The following BMPR1B variants were observed in gnomAD, a reference collection of about 807,000 sequenced individuals.
BMPR1B encodes bone morphogenetic protein receptor type-1B.
A neutral mutation model predicts 59.1 loss-of-function variants in BMPR1B; 12 were observed. The ratio of observed to expected loss-of-function variants is 0.20; its 90% CI spans 0.13 to 0.33. The LOEUF (loss-of-function observed/expected upper bound fraction) is 0.33. Among genes scored for constraint, BMPR1B ranks in the 10% least tolerant of loss-of-function variants. The pLI is 1.00. For synonymous variants in BMPR1B, 237 were observed against 207.3 expected, an observed-to-expected ratio of 1.14 and a Z score of -1.23; for missense variants, 550 against 610.9, an observed-to-expected ratio of 0.90 and a Z score of 1.05.
chr4:94,829,889 G>A (rs1164942982), intron 1 of BMPR1B, among the ~76,000 whole-genome samples: 1 of 152,130 alleles, frequency 6.6e-6, no homozygotes, highest in Non-Finnish European at 1.5e-5. Context: ...TCTAAATTTG[G>A]GAAGGATAAA....
Position 95,071,652 on chromosome 4 carries a change from G to GTGTA in BMPR1B, c.-17-32755_-17-32754insGTAT, listed in dbSNP as rs59539011. On this transcript the variant is annotated intron_variant, in intron 3 of 12. Transcript: ENST00000515059. The stretch of plus-strand genomic sequence containing the variant: ...TGTGTTTGTGTGTGTGTGTGTGTGT[G>GTGTA]TATATATATATATATATATATATAT... 6.0e-3 allele frequency among the ~76,000 whole-genome samples: 504 copies of GTGTA among 84,310 alleles called. 2 individuals are homozygous for GTGTA. Among genetic ancestry groups the GTGTA allele is most frequent in the East Asian group, 0.017 (51 of 2,958 alleles). 55.3% of individuals were successfully genotyped at this position (84,310 alleles called of 152,430 possible). A position where few individuals can be genotyped will look rare whatever the true frequency, so the allele number is the denominator to read the frequency against.
intron 10 of BMPR1B, among the ~76,000 whole-genome samples, chr4:95,135,122 C>T (rs895110770): frequency 6.6e-6 from 1 of 152,284 alleles, no homozygotes; most frequent in South Asian, 2.1e-4. Context: ...ATAGGGAATC[C>T]TTCCCCCATT....
rs7442189 is a variant in BMPR1B at position 94,935,386 on chromosome 4, A to G, written c.-113+59486A>G. On this transcript the variant is annotated intron_variant, in intron 2 of 12. Transcript: ENST00000515059. ...TTGTGAACTTGGAAGCACTCATTAG[A>G]CCACCAAATATGTGTTGTGCACATG... is the stretch of plus-strand genomic sequence containing the variant. Among the ~76,000 whole-genome samples the G allele has an allele frequency of 8.4e-3, 1,277 of 152,292 alleles. 26 individuals are homozygous for G. The highest frequency in any genetic ancestry group is 0.028 in the African/African-American group (1,177 of 41,552).
intron 6 of BMPR1B, among the ~76,000 whole-genome samples, chr4:95,120,961 A>G (rs1732478971): frequency 1.3e-5 from 2 of 152,110 alleles, no homozygotes. Context: ...GGCGTGTGCC[A>G]TCATGCCCAG....
chr4:95,154,901 G>GT lies in BMPR1B; in HGVS notation c.*229dup. ...TTTGTAGGACGGAGAAACCGCTTGG[G>GT]TAACTTGTTCAAGATATGATGCATG... On this transcript the variant is annotated 3_prime_UTR_variant, in exon 13 of 13. Coordinates refer to ENST00000515059, the MANE Select transcript of BMPR1B (RefSeq NM_001203.3). 1 of 545,248 alleles carries GT rather than the reference G, an allele frequency of 1.8e-6. No individual in the cohort carries two copies. Among genetic ancestry groups the GT allele is most frequent in the South Asian group, 2.2e-5 (1 of 46,418 alleles). The allele number at this position is 545,248 out of a possible 1,614,324, so 33.8% of individuals were successfully genotyped here.
rs1230920421 is a variant in BMPR1B at position 95,120,196 on chromosome 4, A to G, written c.350-3614A>G. On this transcript the variant is annotated intron_variant, in intron 6 of 12. Coordinates refer to ENST00000515059, the MANE Select transcript of BMPR1B (RefSeq NM_001203.3). Reference sequence around the variant, plus strand: ...CATCCATGTTGCTTCAAAGGATGTTATTTTATTGTCTTTTATGGCTGCGTA... The same window carrying G: ...CATCCATGTTGCTTCAAAGGATGTTGTTTTATTGTCTTTTATGGCTGCGTA... 2.0e-5 allele frequency among the ~76,000 whole-genome samples: 3 copies of G among 152,258 alleles called. No individual in the cohort carries two copies. In the East Asian group the frequency reaches 5.8e-4, roughly 29 times the overall value.
chr4:95,058,853 T>C (rs1338444297), intron 3 of BMPR1B, among the ~76,000 whole-genome samples: 1 of 152,112 alleles, frequency 6.6e-6, no homozygotes, highest in East Asian at 1.9e-4. Context: ...AATAAAAACT[T>C]GTTGCTTGCA....
chr4:94,934,453 G>GT (rs371268875), intron 2 of BMPR1B, among the ~76,000 whole-genome samples: 1,472 of 115,244 alleles, frequency 0.013, 33 homozygotes, highest in East Asian at 0.067. Flanking sequence ...CCCAGCTATG[G>GT]TTTTTTTTTT....
intron 3 of BMPR1B, among the ~76,000 whole-genome samples, chr4:95,042,429 T>A (rs7673667): frequency 0.98 from 148,270 of 151,822 alleles, 72,414 homozygotes; most frequent in Middle Eastern, 1. Context: ...GCAAAAAAAA[T>A]TTTAAAATAT....
intron 1 of BMPR1B, among the ~76,000 whole-genome samples, chr4:94,859,221 A>C (rs1213005011): frequency 6.6e-6 from 1 of 152,212 alleles, no homozygotes; most frequent in Admixed American, 6.5e-5. Flanking sequence ...ATTCACTGTA[A>C]GTTGTAAAGT....
At chr4:94,972,837 G>A (rs528593455) in intron 2 of BMPR1B, among the ~76,000 whole-genome samples, 4 of 152,292 alleles carry the variant, frequency 2.6e-5, no homozygotes, top group Admixed American at 6.5e-5. Flanking sequence ...TGGTAATGAA[G>A]CAGGGTATTT....
intron 3 of BMPR1B, among the ~76,000 whole-genome samples, chr4:95,086,995 C>CTTCTT (rs1560642738): frequency 3.0e-5 from 2 of 65,944 alleles, no homozygotes. Flanking sequence ...GTCTCATATC[C>CTTCTT]TTCTTTTTTT....
In BMPR1B at chr4:94,783,164, C is replaced by T. The variant is rs539266883; in HGVS notation, c.-183+25096C>T. Among the ~76,000 whole-genome samples, 6 of 152,252 alleles carry T rather than the reference C, an allele frequency of 3.9e-5. 1 individual carries two copies. In the East Asian group the frequency reaches 7.7e-4, roughly 20 times the overall value. Reference sequence around the variant, plus strand: ...TTATCACGCCAGCTATTAGGATCCACGAATTGCTGGCCGATTGTTCTATTG... The same window carrying T: ...TTATCACGCCAGCTATTAGGATCCATGAATTGCTGGCCGATTGTTCTATTG... On this transcript the variant is annotated intron_variant, in intron 1 of 12. Coordinates refer to ENST00000515059, the MANE Select transcript of BMPR1B (RefSeq NM_001203.3).
At chr4:94,956,806 A>AT (rs3839108) in intron 2 of BMPR1B, among the ~76,000 whole-genome samples, 75,222 of 150,640 alleles carry the variant, frequency 0.5, 19,459 homozygotes, top group South Asian at 0.63. Flanking sequence ...AAAGAATTTA[A>AT]TTTTTTTTTT....
At chr4:95,147,041 T>C (rs1348119860) in intron 10 of BMPR1B, among the ~76,000 whole-genome samples, 1 of 152,198 alleles carries the variant, frequency 6.6e-6, no homozygotes, top group South Asian at 2.1e-4. Flanking sequence ...TGTTTGCATA[T>C]GGTAAAGAAT....
chr4:95,037,376 A>G (rs951481438), intron 3 of BMPR1B, among the ~76,000 whole-genome samples: 2 of 152,184 alleles, frequency 1.3e-5, no homozygotes, highest in African/African-American at 4.8e-5. Context: ...AAATGATGTA[A>G]ACCGAAGCCC....
intron 1 of BMPR1B, among the ~76,000 whole-genome samples, chr4:94,849,976 T>C (rs1273687154): frequency 6.6e-6 from 1 of 152,118 alleles, no homozygotes; most frequent in Admixed American, 6.6e-5. Context: ...CAACCCTTTA[T>C]TAGAAACCTA....
In BMPR1B at chr4:94,902,884, C is replaced by T. The variant is rs149404804; in HGVS notation, c.-113+26984C>T. 2.1e-3 allele frequency among the ~76,000 whole-genome samples: 321 copies of T among 152,080 alleles called. 1 individual carries two copies. The highest frequency in any genetic ancestry group is 5.6e-3 in the Admixed American group (86 of 15,236). On this transcript the variant is annotated intron_variant, in intron 2 of 12. Transcript: ENST00000515059. ...TTGTTTTGCTTATTCTCAATTCAGT[C>T]TCTGCAGACTACTGAATTCAATCTT...
chr4:94,916,395 T>C (rs920174342), intron 2 of BMPR1B, among the ~76,000 whole-genome samples: 13 of 152,144 alleles, frequency 8.5e-5, no homozygotes, highest in Non-Finnish European at 1.9e-4. Context: ...AGGTCTCAAA[T>C]GGAAATGAGG....
Sources: gnomAD v4.1 joint callset for allele counts (sites outside exome capture counted in the v4.1 genomes callset) on GRCh38, gnomAD v4.1.1 for gene constraint, MANE v1.5 for transcripts, NCBI Gene and HGNC (gene_info 2026-07-23, HGNC 2026-07-21) for gene names.